The following HERC2 variants were observed in gnomAD, a reference collection of about 807,000 sequenced individuals.
HERC2 encodes the protein E3 ubiquitin-protein ligase HERC2.
In HERC2, 102 loss-of-function variants were observed where a neutral mutation model predicts 537.7. The ratio of observed to expected loss-of-function variants is 0.19; its 90% confidence interval spans 0.16 to 0.22. The LOEUF (loss-of-function observed/expected upper bound fraction) is 0.22, where lower values mean the gene tolerates loss of function less well. HERC2 is among the 10% of genes least tolerant of loss of function. The pLI, the probability that HERC2 is intolerant of heterozygous loss-of-function variation, is 1.00. For missense variants in HERC2, 4,236 were observed against 6,198.2 expected, an observed-to-expected ratio of 0.68 and a Z score of 10.63; for synonymous variants, 2,224 against 2,466.2, an observed-to-expected ratio of 0.90 and a Z score of 2.91.
intron 68 of HERC2, among the ~76,000 whole-genome samples, chr15:28,167,056 C>T (rs76328475): frequency 6.6e-6 from 1 of 152,240 alleles, no homozygotes; most frequent in African/African-American, 2.4e-5. Context: ...TGACAACCAC[C>T]ACAGTAATAA....
chr15:28,208,490 T>C (rs59310062), intron 44 of HERC2, among the ~76,000 whole-genome samples: 33,370 of 151,736 alleles, frequency 0.22, 7,275 homozygotes, highest in African/African-American at 0.55. Flanking sequence ...CAGATACTCC[T>C]ATACCTTCCT....
intron 83 of HERC2, among the ~76,000 whole-genome samples, chr15:28,125,709 C>G (rs1470617763): frequency 6.6e-6 from 1 of 152,120 alleles, no homozygotes; most frequent in Non-Finnish European, 1.5e-5. Flanking sequence ...GTCTCACACT[C>G]TGTTGCCCAG....
rs150956191 is a variant in HERC2 at position 28,124,191 on chromosome 15, G to A, written c.13034C>T (p.Ala4345Val). ...YNHLQEIPII[A>V]LRNRLLLLHH... Reference sequence around the variant, plus strand: ...CAGCAGCAGCAGACGGTTCCTCAGCGCAATGATGGGGATCTCCTGCAGGTG... The same window carrying A: ...CAGCAGCAGCAGACGGTTCCTCAGCACAATGATGGGGATCTCCTGCAGGTG... The change falls in exon 85 of 93, where the codon GCG becomes GTG. Residue 4345 changes from alanine to valine, a missense_variant. Physicochemically the swap from Ala to Val is moderately conservative, Grantham distance 64. Around this residue, in one of 27 missense-constraint regions of HERC2, gnomAD observed 189 missense variants for 255.7 expected, o/e 0.74. Transcript: ENST00000261609. 1.2e-5 allele frequency: 18 copies of A among 1,546,684 alleles called. No individual in the cohort carries two copies. Among genetic ancestry groups the A allele is most frequent in the African/African-American group, 1.1e-4 (8 of 72,446 alleles).
At chr15:28,228,435 A>G (rs1233050337) in intron 34 of HERC2, 26 bp from the exon 35 acceptor site, 6 of 1,600,352 alleles carry the variant, frequency 3.7e-6, no homozygotes, top group Non-Finnish European at 5.1e-6. Context: ...ACCTACTGAC[A>G]TTTCTTGTGA....
intron 39 of HERC2, 71 bp from the exon 40 acceptor site, chr15:28,214,873 T>G: frequency 1.5e-6 from 2 of 1,292,454 alleles, no homozygotes; most frequent in Non-Finnish European, 2.2e-6. Context: ...TTGTTATTTT[T>G]TTATTTTTTA....
chr15:28,205,097 T>C (rs149114088), intron 45 of HERC2, among the ~76,000 whole-genome samples: 4,714 of 150,878 alleles, frequency 0.031, 202 homozygotes, highest in African/African-American at 0.11. Context: ...CCAAAGATAA[T>C]AGAAAATACG....
Position 28,245,717 on chromosome 15 carries a change from C to A in HERC2, c.3577+164G>T, listed in dbSNP as rs149764593. The stretch of plus-strand genomic sequence containing the variant: ...TTTGGTTAATATATACATATATGAC[C>A]CAAATTTCTTCTGATTTGGATTATC... On this transcript the variant is annotated intron_variant, in intron 23 of 92. Coordinates refer to ENST00000261609, the MANE Select transcript of HERC2 (RefSeq NM_004667.6). Among the ~76,000 whole-genome samples the A allele has an allele frequency of 1.3e-5, 2 of 151,260 alleles. 1 individual carries two copies. The highest frequency in any genetic ancestry group is 2.9e-5 in the Non-Finnish European group (2 of 67,886).
At chr15:28,241,196 A>T (rs1194319986) in intron 23 of HERC2, among the ~76,000 whole-genome samples, 2 of 152,178 alleles carry the variant, frequency 1.3e-5, no homozygotes, top group African/African-American at 4.8e-5. Flanking sequence ...AAAAAACCCA[A>T]TTAAAACACG....
intron 23 of HERC2, among the ~76,000 whole-genome samples, chr15:28,244,430 G>A (rs562373847): frequency 6.6e-6 from 1 of 152,272 alleles, no homozygotes; most frequent in South Asian, 2.1e-4. Flanking sequence ...TCAGAAGTAA[G>A]GTGGCGATGA....
intron 2 of HERC2, chr15:28,312,981 C>G (rs2141286283): frequency 6.4e-6 from 1 of 156,464 alleles, no homozygotes; most frequent in Non-Finnish European, 1.4e-5. Context: ...GCTCAGAAGG[C>G]CAATGACTTG....
At position 28,252,081 on chromosome 15, in the gene HERC2, G is replaced by C. The variant is rs112135184; in HGVS notation, c.3050+2259C>G. Among the ~76,000 whole-genome samples the C allele has an allele frequency of 3.9e-3, 599 of 152,234 alleles. 4 individuals are homozygous for C. Among genetic ancestry groups the C allele is most frequent in the African/African-American group, 0.014 (568 of 41,540 alleles). On this transcript the variant is annotated intron_variant, in intron 20 of 92. Transcript: ENST00000261609. ...CAAGTGATTCTAAACATACTTAAGT[G>C]CTTCCTAATAACGGAATCAAGTTTT...
rs1887607756 is a variant in HERC2, at chr15:28,111,115, C to T, written c.*648G>A. 3 of 152,316 alleles carry T rather than the reference C, an allele frequency of 2.0e-5. No homozygotes were observed. The highest frequency in any genetic ancestry group is 7.2e-5 in the African/African-American group (3 of 41,438). The allele number at this position is 152,316 out of a possible 1,614,324, so 9.4% of individuals were successfully genotyped here. A position where few individuals can be genotyped will look rare whatever the true frequency, so the allele number is the denominator to read the frequency against. Reference sequence around the variant, plus strand: ...TGACACAAACATTATATATAGTACACTTTCCATGATAGAAGTTATGATGCT... The same window carrying T: ...TGACACAAACATTATATATAGTACATTTTCCATGATAGAAGTTATGATGCT... On this transcript the variant is annotated 3_prime_UTR_variant, in exon 93 of 93. Transcript: ENST00000261609.
In HERC2 at chr15:28,223,986, C is replaced by T. The variant is rs552632180; in HGVS notation, c.5465-1771G>A. On this transcript the variant is annotated intron_variant, in intron 35 of 92. Transcript: ENST00000261609. ...AAGGCCATTTCTCGATGGAGATATG[C>T]TTTTGTAATTTTTAAATGCAACTTT... Among the ~76,000 whole-genome samples, 3 of 152,014 alleles carry T rather than the reference C, an allele frequency of 2.0e-5. No homozygotes were observed. The East Asian group carries it at 5.8e-4, about 29-fold the overall frequency.
intron 2 of HERC2, among the ~76,000 whole-genome samples, chr15:28,311,018 A>G (rs1205032193): frequency 1.6e-5 from 2 of 124,496 alleles, no homozygotes; most frequent in African/African-American, 2.9e-5. Context: ...CGGACGTTGC[A>G]GTGAGTGGAG....
intron 69 of HERC2, among the ~76,000 whole-genome samples, chr15:28,159,243 T>C (rs1893326154): frequency 6.6e-6 from 1 of 152,186 alleles, no homozygotes; most frequent in Admixed American, 6.5e-5. Context: ...AGGAGTATCT[T>C]TGTGGCATTC....
Position 28,113,453 on chromosome 15 carries a change from A to T in HERC2, c.14019+120T>A. ...TGCAGGCGGGTGGAGGGACGCGCTC[A>T]GAGTGCACTCCCTTCAGTCAACACA... On this transcript the variant is annotated intron_variant, in intron 91 of 92. Coordinates refer to ENST00000261609, the MANE Select transcript of HERC2 (RefSeq NM_004667.6). This position sits in a 1 kb window ranked among gnomAD's most constrained non-coding sequence, Gnocchi z 7.0. 1 of 1,067,856 alleles carries T rather than the reference A, an allele frequency of 9.4e-7. No individual in the cohort carries two copies. The highest frequency in any genetic ancestry group is 1.4e-6 in the Non-Finnish European group (1 of 710,024). 66.1% of individuals were successfully genotyped at this position (1,067,856 alleles called of 1,614,324 possible).
At position 28,290,328 on chromosome 15, in the gene HERC2, C is replaced by T. The variant is rs182258953; in HGVS notation, c.322+2560G>A. Reference sequence around the variant, plus strand: ...TTTTTTTTTTTGAGATGTAGTCTCGCTTTGTCACCCAGACTAAAGTGCAGG... The same window carrying T: ...TTTTTTTTTTTGAGATGTAGTCTCGTTTTGTCACCCAGACTAAAGTGCAGG... On this transcript the variant is annotated intron_variant, in intron 4 of 92. Transcript: ENST00000261609. Among the ~76,000 whole-genome samples the T allele has an allele frequency of 2.0e-3, 301 of 152,168 alleles. 4 individuals carry two copies. Among genetic ancestry groups the T allele is most frequent in the African/African-American group, 6.9e-3 (286 of 41,516 alleles).
intron 5 of HERC2, 110 bp downstream of exon 5, chr15:28,279,958 T>C: frequency 1.2e-6 from 1 of 803,486 alleles, no homozygotes; most frequent in Non-Finnish European, 2.0e-6. Flanking sequence ...CAAGAATAAA[T>C]TTCAGAAGGT....
At chr15:28,190,845 CAG>C (rs1896791703) in intron 55 of HERC2, 118 bp downstream of exon 55, 1 of 692,142 alleles carries the variant, frequency 1.4e-6, no homozygotes, top group Admixed American at 2.6e-5. Flanking sequence ...AAATTTAAAA[CAG>C]AAAGAACCAA....
Sources: gnomAD v4.1 joint callset for allele counts (sites outside exome capture counted in the v4.1 genomes callset) on GRCh38, gnomAD v4.1.1 for gene constraint, gnomAD v4.1.1 regional missense constraint, Gnocchi (gnomAD v3.1) non-coding constraint, MANE v1.5 for transcripts, NCBI Gene and HGNC (gene_info 2026-07-23, HGNC 2026-07-21) for gene names.